The following GRM7 variants were observed in gnomAD, a reference collection of about 807,000 sequenced individuals.
GRM7 encodes metabotropic glutamate receptor 7.
GRM7 carries 35 observed loss-of-function variants against 84.5 expected under a neutral mutation model. The observed-to-expected ratio is 0.41, with a 90% confidence interval of 0.32 to 0.55. GRM7 has a LOEUF of 0.55. GRM7 is among the 20% of genes least tolerant of loss of function. The pLI is 0.19. For synonymous variants in GRM7, 487 were observed against 455.1 expected (o/e 1.07, Z -0.89); for missense variants, 1,003 against 1,194.6 (o/e 0.84, Z 2.36).
intron 2 of GRM7, among the ~76,000 whole-genome samples, chr3:7,222,902 T>G (rs1232168438): frequency 6.6e-6 from 1 of 152,234 alleles, no homozygotes; most frequent in Admixed American, 6.5e-5. Context: ...ATCACTGGAC[T>G]GTGTAAGAAT....
rs569118074 is a variant in GRM7, at chr3:7,711,630, G to A, written c.2699-28727G>A. Among the ~76,000 whole-genome samples the A allele has an allele frequency of 1.4e-4, 22 of 152,258 alleles. No individual in the cohort carries two copies. The South Asian group carries it at 2.1e-3, about 14-fold the overall frequency. ...AAGGCATGCTGCCTGGAACTCGGAC[G>A]GCACCAAAGCTTTGTACTCTGAATC... is the stretch of plus-strand genomic sequence containing the variant. On this transcript the variant is annotated intron_variant, in intron 9 of 9. Transcript: ENST00000357716.
intron 5 of GRM7, among the ~76,000 whole-genome samples, chr3:7,443,079 G>A (rs1697358706): frequency 6.8e-6 from 1 of 146,988 alleles, no homozygotes; most frequent in Non-Finnish European, 1.5e-5. Flanking sequence ...TCTTTTTCTG[G>A]TCTTCTCCCT....
intron 1 of GRM7, among the ~76,000 whole-genome samples, chr3:6,865,408 C>G (rs1389860689): frequency 6.6e-6 from 1 of 152,120 alleles, no homozygotes; most frequent in Non-Finnish European, 1.5e-5. Flanking sequence ...CAAACCCTCT[C>G]CATTATTGAC....
At chr3:7,260,673 T>TTTTGTGTGTGTGTG (rs1553638949) in intron 2 of GRM7, among the ~76,000 whole-genome samples, 1 of 144,428 alleles carries the variant, frequency 6.9e-6, no homozygotes, top group East Asian at 2.1e-4. Flanking sequence ...TTCTTTTGAA[T>TTTTGTGTGTGTGTG]TGTGTGTGTG....
intron 4 of GRM7, among the ~76,000 whole-genome samples, chr3:7,320,320 G>A (rs1475744342): frequency 6.6e-6 from 1 of 151,942 alleles, no homozygotes; most frequent in Non-Finnish European, 1.5e-5. Context: ...CAAGCCTTTA[G>A]CGATGAAAAC....
At chr3:6,929,666 G>A (rs1185618574) in intron 1 of GRM7, among the ~76,000 whole-genome samples, 1 of 152,102 alleles carries the variant, frequency 6.6e-6, no homozygotes, top group Non-Finnish European at 1.5e-5. Context: ...CTGTCAATAA[G>A]ATGCATATAA....
chr3:7,568,900 C>T (rs1559408775), intron 7 of GRM7, among the ~76,000 whole-genome samples: 2 of 152,214 alleles, frequency 1.3e-5, no homozygotes, highest in East Asian at 3.9e-4. Flanking sequence ...CCTGTGCGGC[C>T]CCAGCCTCCC....
intron 1 of GRM7, among the ~76,000 whole-genome samples, chr3:7,027,233 C>G (rs1696016068): frequency 6.6e-6 from 1 of 152,156 alleles, no homozygotes; most frequent in Non-Finnish European, 1.5e-5. Flanking sequence ...CCACAAACTG[C>G]TGGCTCACAG....
intron 1 of GRM7, among the ~76,000 whole-genome samples, chr3:6,984,994 C>G (rs150233545): frequency 2.0e-5 from 3 of 152,176 alleles, no homozygotes; most frequent in East Asian, 1.9e-4. Context: ...GACAGAGCAC[C>G]GAGGCTGAGA....
At position 6,861,681 on chromosome 3, in the gene GRM7, A is replaced by C; in HGVS notation, c.293A>C (p.Asn98Thr). 6.2e-7 allele frequency: 1 copy of C among 1,614,070 alleles called. No homozygotes were observed. Among genetic ancestry groups the C allele is most frequent in the Non-Finnish European group, 8.5e-7 (1 of 1,179,958 alleles). The change falls in exon 1 of 10, where the codon AAC (asparagine) becomes ACC (threonine). Residue 98 changes from asparagine to threonine, a missense_variant. Coordinates refer to ENST00000357716, the MANE Select transcript of GRM7 (RefSeq NM_000844.4). This position sits in a 1 kb window ranked among gnomAD's most constrained non-coding sequence, Gnocchi z 6.4. The part of the protein sequence containing the change: ...QINSDPNLLP[N>T]VTLGARILDT... ...AACAGTGATCCCAACCTACTGCCCA[A>C]CGTGACGCTGGGCGCGCGGATCCTG...
intron 2 of GRM7, among the ~76,000 whole-genome samples, chr3:7,147,283 G>A: frequency 6.6e-6 from 1 of 152,116 alleles, no homozygotes; most frequent in East Asian, 1.9e-4. Flanking sequence ...CAAATGTTTG[G>A]CCAGCTGTCT....
intron 2 of GRM7, among the ~76,000 whole-genome samples, chr3:7,234,971 G>A (rs1185170847): frequency 6.6e-6 from 1 of 152,064 alleles, no homozygotes; most frequent in Non-Finnish European, 1.5e-5. Context: ...TCGTTTTCTT[G>A]CCTGTACTGA....
At chr3:7,469,230 A>C (rs770714513) in intron 7 of GRM7, among the ~76,000 whole-genome samples, 7 of 152,194 alleles carry the variant, frequency 4.6e-5, no homozygotes, top group Non-Finnish European at 8.8e-5. Context: ...CCAAGTTAGC[A>C]ATTCTACATG....
At chr3:7,561,714 A>T (rs1694035916) in intron 7 of GRM7, 1 of 355,392 alleles carries the variant, frequency 2.8e-6, no homozygotes, top group South Asian at 2.2e-5. Flanking sequence ...ATGCAAAAAA[A>T]TAAGCAGATA....
chr3:7,458,507 A>G (rs1259228407), intron 6 of GRM7, among the ~76,000 whole-genome samples: 1 of 152,248 alleles, frequency 6.6e-6, no homozygotes, highest in Middle Eastern at 3.2e-3. Context: ...AAAAAGGCCA[A>G]ACCCACACAA....
chr3:7,668,017 G>A (rs1259787499), intron 8 of GRM7, among the ~76,000 whole-genome samples: 1 of 152,192 alleles, frequency 6.6e-6, no homozygotes, highest in Non-Finnish European at 1.5e-5. Flanking sequence ...AAGAGGCAGA[G>A]TTGTTGGATT....
At chr3:6,907,227 A>G (rs1236548908) in intron 1 of GRM7, among the ~76,000 whole-genome samples, 2 of 152,148 alleles carry the variant, frequency 1.3e-5, no homozygotes, top group Non-Finnish European at 2.9e-5. Context: ...AAAAAATACT[A>G]AATTCTTGAA....
chr3:6,899,300 G>A (rs966969545), intron 1 of GRM7, among the ~76,000 whole-genome samples: 4 of 152,102 alleles, frequency 2.6e-5, no homozygotes, highest in African/African-American at 7.2e-5. Context: ...AAATGTACTA[G>A]GAAATTAATT....
At chr3:7,167,893 C>CG (rs1694853041) in intron 2 of GRM7, among the ~76,000 whole-genome samples, 1 of 140,756 alleles carries the variant, frequency 7.1e-6, no homozygotes, top group Non-Finnish European at 1.5e-5. Flanking sequence ...GGCGTGAACC[C>CG]GGGAGGTGGA....
Sources: allele counts gnomAD v4.1 joint callset (sites outside exome capture counted in the v4.1 genomes callset), GRCh38; gene constraint gnomAD v4.1.1; non-coding constraint Gnocchi (gnomAD v3.1); transcripts MANE v1.5; gene names NCBI Gene and HGNC (gene_info 2026-07-23, HGNC 2026-07-21).